Variants in PDE9A observed in about 807,000 individuals in gnomAD.
PDE9A encodes phosphodiesterase 9A.
Under a neutral mutation model 87.4 loss-of-function variants are expected in PDE9A, and 60 were observed. The ratio of observed to expected loss-of-function variants is 0.69; its 90% CI spans 0.56 to 0.85. The LOEUF (loss-of-function observed/expected upper bound fraction) is 0.85, where lower values mean the gene tolerates loss of function less well. Among genes scored for constraint, PDE9A ranks in the 40% least tolerant of loss-of-function variants. PDE9A has a pLI of 0.00. For synonymous variants in PDE9A, 272 were observed against 279.4 expected, an observed-to-expected ratio of 0.97 and a Z score of 0.27; for missense variants, 665 against 779.0, an observed-to-expected ratio of 0.85 and a Z score of 1.74.
At chr21:42,732,022 C>T in intron 5 of PDE9A, 48 bp from the exon 6 acceptor site, 3 of 1,612,462 alleles carry the variant, frequency 1.9e-6, no homozygotes, top group Non-Finnish European at 2.5e-6. Context: ...GCCTACACAT[C>T]TTTTCCTCTT....
chr21:42,775,243 A>G, intron 19 of PDE9A, 37 bp from the exon 20 acceptor site: 1 of 1,610,564 alleles, frequency 6.2e-7, no homozygotes, highest in Non-Finnish European at 8.5e-7. Flanking sequence ...CCCTAATTCT[A>G]ACAAAAACAA....
At chr21:42,774,307 G>C (rs1327189717) in intron 19 of PDE9A, among the ~76,000 whole-genome samples, 7 of 152,106 alleles carry the variant, frequency 4.6e-5, no homozygotes, top group Admixed American at 4.6e-4. Flanking sequence ...TTGAGTCCAG[G>C]CTTGCCAATT....
intron 1 of PDE9A, among the ~76,000 whole-genome samples, chr21:42,685,287 A>G (rs759875716): frequency 5.9e-5 from 9 of 152,180 alleles, no homozygotes; most frequent in Admixed American, 1.3e-4. Flanking sequence ...CGCTTCCACC[A>G]CAGCCCCGGC....
chr21:42,743,648 G>C, intron 7 of PDE9A, 128 bp from the exon 8 acceptor site: 3 of 631,234 alleles, frequency 4.8e-6, no homozygotes, highest in Non-Finnish European at 2.9e-6. Context: ...GCCAGGGCAG[G>C]TGTGGGGACC....
chr21:42,760,456 C>A lies in PDE9A; in HGVS notation c.1002+24C>A. 1 of 1,364,732 alleles carries A rather than the reference C, an allele frequency of 7.3e-7. No individual in the cohort carries two copies. Among genetic ancestry groups the A allele is most frequent in the South Asian group, 1.2e-5 (1 of 86,174 alleles). 84.5% of individuals were successfully genotyped at this position (1,364,732 alleles called of 1,614,324 possible). On this transcript the variant is annotated intron_variant, in intron 12 of 19. Coordinates refer to ENST00000291539, the MANE Select transcript of PDE9A (RefSeq NM_002606.3). The surrounding 1 kb of genome is among the most constrained non-coding windows in gnomAD (Gnocchi z 5.2). Reference sequence around the variant, plus strand: ...AGGTGGGTCCTGCCCGCTGCACACCCAGACCTCTACTCTCGGGGGTCAGAC... The same window carrying A: ...AGGTGGGTCCTGCCCGCTGCACACCAAGACCTCTACTCTCGGGGGTCAGAC...
intron 14 of PDE9A, among the ~76,000 whole-genome samples, chr21:42,764,877 T>C (rs2056207513): frequency 6.6e-6 from 1 of 152,138 alleles, no homozygotes; most frequent in Non-Finnish European, 1.5e-5. Flanking sequence ...CCTAGATTGA[T>C]GGGTTTGGGT....
intron 15 of PDE9A, 143 bp downstream of exon 15, chr21:42,765,637 CA>C (rs757551311): frequency 1.5e-6 from 1 of 681,262 alleles, no homozygotes; most frequent in South Asian, 1.6e-5. Context: ...TTTTCAAGGT[CA>C]TGACTCTTAC....
intron 4 of PDE9A, among the ~76,000 whole-genome samples, chr21:42,715,881 C>CTCTCAGGGCTGTACATTCCCTGGGTTTGG (rs1569192064): frequency 1.3e-5 from 2 of 151,638 alleles, no homozygotes; most frequent in Non-Finnish European, 2.9e-5. Context: ...AGAATCGGTT[C>CTCTCAGGGCTGTACATTCCCTGGGTTTGG]ACTGCCTTCA....
At chr21:42,718,754 C>T (rs761951123) in intron 4 of PDE9A, among the ~76,000 whole-genome samples, 2 of 151,768 alleles carry the variant, frequency 1.3e-5, no homozygotes, top group Admixed American at 6.6e-5. Flanking sequence ...GCATCTGAGC[C>T]GGCAAGCGTC....
chr21:42,760,700 G>A lies in PDE9A; in HGVS notation c.1003-125G>A. On this transcript the variant is annotated intron_variant, in intron 12 of 19. Coordinates refer to ENST00000291539, the MANE Select transcript of PDE9A (RefSeq NM_002606.3). This position sits in a 1 kb window ranked among gnomAD's most constrained non-coding sequence, Gnocchi z 5.2. ...GGCCGATCCTCTCCCACCATGCCAGGAGATGCCAGATGGCTGCAGGGGCCT... is the reference window on the plus strand; with the variant it reads ...GGCCGATCCTCTCCCACCATGCCAGAAGATGCCAGATGGCTGCAGGGGCCT... 1.4e-6 allele frequency: 1 copy of A among 700,064 alleles called. No homozygotes were observed. The highest frequency in any genetic ancestry group is 2.6e-6 in the Non-Finnish European group (1 of 384,724). The allele number at this position is 700,064 out of a possible 1,614,324, so 43.4% of individuals were successfully genotyped here. A position where few individuals can be genotyped will look rare whatever the true frequency, so the allele number is the denominator to read the frequency against.
At chr21:42,728,434 T>A (rs1474970114) in intron 4 of PDE9A, among the ~76,000 whole-genome samples, 1 of 152,250 alleles carries the variant, frequency 6.6e-6, no homozygotes, top group Non-Finnish European at 1.5e-5. Flanking sequence ...AGATGTTTTT[T>A]ATGAATTAGT....
intron 10 of PDE9A, among the ~76,000 whole-genome samples, chr21:42,756,380 G>A (rs910784373): frequency 2.0e-5 from 3 of 152,168 alleles, no homozygotes; most frequent in Non-Finnish European, 4.4e-5. Context: ...CACGCATGAG[G>A]CACCTGGCAC....
intron 1 of PDE9A, among the ~76,000 whole-genome samples, chr21:42,668,546 C>G (rs1278797273): frequency 6.6e-6 from 1 of 152,208 alleles, no homozygotes; most frequent in East Asian, 1.9e-4. Flanking sequence ...CAGCACACTT[C>G]CTGTTCTTTT....
At chr21:42,690,317 T>G (rs1263105594) in intron 3 of PDE9A, among the ~76,000 whole-genome samples, 1 of 151,734 alleles carries the variant, frequency 6.6e-6, no homozygotes, top group Non-Finnish European at 1.5e-5. Context: ...TATAGATAGA[T>G]GCATAGGGTG....
Position 42,754,014 on chromosome 21 carries a change from G to C in PDE9A, c.760G>C (p.Glu254Gln), listed in dbSNP as rs183475207. 1.2e-6 allele frequency: 2 copies of C among 1,613,138 alleles called. No individual in the cohort carries two copies. Among genetic ancestry groups the C allele is most frequent in the Admixed American group, 3.3e-5 (2 of 59,998 alleles). The change falls in exon 10 of 20, where the codon GAG (glutamate) becomes CAG (glutamine). Residue 254 changes from glutamate to glutamine, a missense_variant. By Grantham distance (29) the Glu-to-Gln change is conservative (BLOSUM62 2). Coordinates refer to ENST00000291539, the MANE Select transcript of PDE9A (RefSeq NM_002606.3). Reference protein sequence around the residue: ...PKYLLSPETIEALRKPTFDVW... With the variant: ...PKYLLSPETIQALRKPTFDVW... Reference sequence around the variant, plus strand: ...GTACCTGCTCTCTCCAGAGACCATCGAGGCCCTGCGGAAGCCGACCTTTGA... The same window carrying C: ...GTACCTGCTCTCTCCAGAGACCATCCAGGCCCTGCGGAAGCCGACCTTTGA...
intron 1 of PDE9A, among the ~76,000 whole-genome samples, chr21:42,668,545 T>G (rs750246337): frequency 6.6e-6 from 1 of 152,174 alleles, no homozygotes; most frequent in Non-Finnish European, 1.5e-5. Flanking sequence ...TCAGCACACT[T>G]CCTGTTCTTT....
chr21:42,770,816 G>A lies in PDE9A; in HGVS notation c.1686+18G>A, dbSNP rs779654728. The stretch of plus-strand genomic sequence containing the variant: ...TGAAAGAGGTAAAACACACTGAGAA[G>A]AGCCTGCCTTCCTTGCGGCAAGCAG... On this transcript the variant is annotated intron_variant, in intron 18 of 19. Coordinates refer to ENST00000291539, the MANE Select transcript of PDE9A (RefSeq NM_002606.3). The A allele has an allele frequency of 1.3e-6, 2 of 1,591,242 alleles. No homozygotes were observed. Among genetic ancestry groups the A allele is most frequent in the Admixed American group, 1.7e-5 (1 of 59,958 alleles).
chr21:42,720,773 AG>A (rs1317087281), intron 4 of PDE9A, among the ~76,000 whole-genome samples: 1 of 151,970 alleles, frequency 6.6e-6, no homozygotes, highest in African/African-American at 2.4e-5. Flanking sequence ...TGGGAGGCCG[AG>A]GTGGGCGGAT....
At chr21:42,754,186 GAA>G in intron 10 of PDE9A, 122 bp downstream of exon 10, 2 of 499,682 alleles carry the variant, frequency 4.0e-6, no homozygotes, top group Non-Finnish European at 7.2e-6. Context: ...TTTAAAGACT[GAA>G]AAAAAAAAAC....
Sources: gnomAD v4.1 joint callset for allele counts (sites outside exome capture counted in the v4.1 genomes callset) on GRCh38, gnomAD v4.1.1 for gene constraint, Gnocchi (gnomAD v3.1) non-coding constraint, MANE v1.5 for transcripts, NCBI Gene and HGNC (gene_info 2026-07-23, HGNC 2026-07-21) for gene names.